NARF: variants seen among roughly 807,000 people sequenced by gnomAD.
The protein encoded by NARF is nuclear prelamin A recognition factor, also known as iron-only hydrogenase-like protein 2.
NARF carries 41 observed loss-of-function variants against 48.0 expected under a neutral mutation model. The observed-to-expected ratio is 0.85, with a 90% CI of 0.66 to 1.11. The LOEUF is 1.11. Ranked by LOEUF, NARF falls within the 50% of genes least tolerant of loss-of-function variation. The pLI is 0.00. For synonymous variants in NARF, 215 were observed against 225.5 expected (o/e 0.95, Z 0.42); for missense variants, 613 against 590.2 (o/e 1.04, Z -0.40).
chr17:82,459,096 G>C, intron 1 of NARF: 1 of 1,189,040 alleles, frequency 8.4e-7, no homozygotes, highest in Non-Finnish European at 1.0e-6. Flanking sequence ...CGGAGACCGA[G>C]CCTCTCGTGC....
rs1049955816 is a variant in NARF, at chr17:82,489,559, G to C, written c.*1402G>C. On this transcript the variant is annotated 3_prime_UTR_variant, in exon 11 of 11. Transcript: ENST00000309794. ...GGGTTGAGGATATTCAGGTGGTCCA[G>C]CCTCCCGCAGAAGACTTCCCTGTCA... is the stretch of plus-strand genomic sequence containing the variant. 6.6e-6 allele frequency: 1 copy of C among 152,286 alleles called. No homozygotes were observed. The highest frequency in any genetic ancestry group is 1.5e-5 in the Non-Finnish European group (1 of 68,158). The allele number at this position is 152,286 out of a possible 1,614,324, so 9.4% of individuals were successfully genotyped here.
At position 82,468,773 on chromosome 17, in the gene NARF, A is replaced by T. The variant is rs768132686; in HGVS notation, c.262A>T (p.Thr88Ser). The T allele has an allele frequency of 6.2e-7, 1 of 1,613,476 alleles. No individual in the cohort carries two copies. Among genetic ancestry groups the T allele is most frequent in the South Asian group, 1.1e-5 (1 of 90,766 alleles). Residue 88 changes from threonine (T) to serine (S), a missense_variant, in exon 4 of 11, where the codon ACC becomes TCC. Thr to Ser is a moderately conservative substitution (Grantham distance 58). Transcript: ENST00000309794. Reference protein sequence around the residue: ...RVLNLNKKCDTSKHKVLVVSV... With the variant: ...RVLNLNKKCDSSKHKVLVVSV... ...CTATTTCTCCTTCTAGAAATGTGAT[A>T]CCTCAAAGCACAAAGTGCTGGTAGT...
chr17:82,487,744 T>A (rs1194415831), intron 10 of NARF, among the ~76,000 whole-genome samples, 172 bp from the exon 11 acceptor site: 5 of 152,122 alleles, frequency 3.3e-5, no homozygotes, highest in Non-Finnish European at 7.4e-5. Context: ...AGCCAGGAGT[T>A]CAAGACCAGC....
rs2044080861 is a variant in NARF, at chr17:82,485,661, C to T, written c.1129+7C>T. ...GTCCTCGCCTGTGCTGGAGGTGAGG[C>T]GCCAAGAGCAGCACCTGGCTCTGTC... On this transcript the variant is annotated splice_region_variant and intron_variant, in intron 10 of 10. Coordinates refer to ENST00000309794, the MANE Select transcript of NARF (RefSeq NM_012336.4). 3.7e-6 allele frequency: 6 copies of T among 1,613,536 alleles called. No individual in the cohort carries two copies. The highest frequency in any genetic ancestry group is 2.2e-5 in the East Asian group (1 of 44,882).
intron 5 of NARF, among the ~76,000 whole-genome samples, chr17:82,478,128 G>A (rs2043876136): frequency 6.6e-6 from 1 of 152,186 alleles, no homozygotes; most frequent in Admixed American, 6.5e-5. Flanking sequence ...CTCTGACTGG[G>A]CTGTACGCCT....
Position 82,488,005 on chromosome 17 carries a change from A to C in NARF, c.1219A>C (p.Ile407Leu). 1 of 1,614,216 alleles carries C rather than the reference A, an allele frequency of 6.2e-7. No individual in the cohort carries two copies. The highest frequency in any genetic ancestry group is 8.5e-7 in the Non-Finnish European group (1 of 1,180,040). The change falls in exon 11 of 11, where the codon ATC becomes CTC. Residue 407 changes from isoleucine (I) to leucine (L), a missense_variant. Coordinates refer to ENST00000309794, the MANE Select transcript of NARF (RefSeq NM_012336.4). Reference protein sequence around the residue: ...LRQMEGIYADIPVRRPESSAH... With the variant: ...LRQMEGIYADLPVRRPESSAH... Reference sequence around the variant, plus strand: ...GCAGATGGAAGGCATTTACGCTGACATCCCTGTGCGGCGTCCGGAGTCCAG... The same window carrying C: ...GCAGATGGAAGGCATTTACGCTGACCTCCCTGTGCGGCGTCCGGAGTCCAG...
At chr17:82,459,950 CGAA>C in intron 1 of NARF, 39 bp from the exon 2 acceptor site, 4 of 1,461,358 alleles carry the variant, frequency 2.7e-6, no homozygotes, top group Non-Finnish European at 3.8e-6. Context: ...TTAAGGGAGA[CGAA>C]GTAAAAGTTC....
At chr17:82,468,438 C>T in intron 3 of NARF, 1 of 287,374 alleles carries the variant, frequency 3.5e-6, no homozygotes, top group Non-Finnish European at 6.6e-6. Flanking sequence ...TTATAGCGCT[C>T]TGCAGTCTCA....
At chr17:82,466,606 C>T (rs1348511473) in intron 3 of NARF, among the ~76,000 whole-genome samples, 1 of 152,078 alleles carries the variant, frequency 6.6e-6, no homozygotes, top group Non-Finnish European at 1.5e-5. Flanking sequence ...GCAGGCACCA[C>T]CATGCCCAGC....
intron 10 of NARF, 136 bp downstream of exon 10, chr17:82,485,790 T>G (rs2044083311): frequency 1.0e-6 from 1 of 985,158 alleles, no homozygotes; most frequent in Non-Finnish European, 1.5e-6. Flanking sequence ...AGGGTATGGA[T>G]GCTCCCGTGG....
At chr17:82,475,866 A>G (rs1345856971) in intron 5 of NARF, among the ~76,000 whole-genome samples, 1 of 152,246 alleles carries the variant, frequency 6.6e-6, no homozygotes, top group Non-Finnish European at 1.5e-5. Context: ...GTTCCATCCC[A>G]GTAGGACCTC....
intron 3 of NARF, 110 bp downstream of exon 3, chr17:82,464,540 C>T (rs1209134373): frequency 1.5e-6 from 2 of 1,339,524 alleles, no homozygotes; most frequent in Non-Finnish European, 2.0e-6. Context: ...ATGCACATCT[C>T]AGCCTTTTCC....
At chr17:82,480,772 A>G in intron 6 of NARF, 2 of 505,234 alleles carry the variant, frequency 4.0e-6, no homozygotes, top group African/African-American at 3.9e-5. Context: ...TCTCTACTAA[A>G]GTACAAAAAA....
chr17:82,473,626 C>T (rs557796687), intron 5 of NARF, among the ~76,000 whole-genome samples: 2 of 152,278 alleles, frequency 1.3e-5, no homozygotes, highest in South Asian at 4.1e-4. Context: ...GCTGGGATTA[C>T]AGGCGTGAGC....
intron 5 of NARF, chr17:82,476,477 A>G: frequency 6.5e-6 from 1 of 152,934 alleles, no homozygotes; most frequent in African/African-American, 2.4e-5. Flanking sequence ...TTTGAGATGG[A>G]GTCTCGCTCT....
At chr17:82,470,580 C>T (rs1055247000) in intron 4 of NARF, among the ~76,000 whole-genome samples, 1 of 152,068 alleles carries the variant, frequency 6.6e-6, no homozygotes, top group Non-Finnish European at 1.5e-5. Context: ...CTGCAAGCTC[C>T]ACCTCCCGGG....
At position 82,490,420 on chromosome 17, in the gene NARF, G is replaced by A. The variant is rs1391686276; in HGVS notation, c.*2263G>A. The A allele has an allele frequency of 2.0e-5, 3 of 152,344 alleles. No homozygotes were observed. The highest frequency in any genetic ancestry group is 7.2e-5 in the African/African-American group (3 of 41,478). 9.4% of individuals were successfully genotyped at this position (152,344 alleles called of 1,614,324 possible). On this transcript the variant is annotated 3_prime_UTR_variant, in exon 11 of 11. Transcript: ENST00000309794. ...TCAATAACTGCATATATTGTGTTGC[G>A]TTGCCTGTCTTGCTGGATAACTGCA...
At chr17:82,483,569 GCCCTTTAGATGGACTC>G in intron 7 of NARF, 131 bp from the exon 8 acceptor site, 1 of 661,820 alleles carries the variant, frequency 1.5e-6, no homozygotes, top group Non-Finnish European at 2.7e-6. Flanking sequence ...GCCTCACTTT[GCCCTTTAGATGGACTC>G]CTGCTGTGTG....
rs2044166555 is a variant in NARF, at chr17:82,489,791, G to A, written c.*1634G>A. 1 of 152,142 alleles carries A rather than the reference G, an allele frequency of 6.6e-6. No individual in the cohort carries two copies. The highest frequency in any genetic ancestry group is 1.5e-5 in the Non-Finnish European group (1 of 68,038). The allele number at this position is 152,142 out of a possible 1,614,324, so 9.4% of individuals were successfully genotyped here. On this transcript the variant is annotated 3_prime_UTR_variant, in exon 11 of 11. Transcript: ENST00000309794. ...AGGCCAAGGTGGGAGGATTGCTGGAGTCCAGGAGTTTCTACATGGGAGACT... is the reference window on the plus strand; with the variant it reads ...AGGCCAAGGTGGGAGGATTGCTGGAATCCAGGAGTTTCTACATGGGAGACT...
Sources: gnomAD v4.1 joint callset for allele counts (sites outside exome capture counted in the v4.1 genomes callset) on GRCh38, gnomAD v4.1.1 for gene constraint, MANE v1.5 for transcripts, NCBI Gene and HGNC (gene_info 2026-07-23, HGNC 2026-07-21) for gene names.